NEK11: variants seen among roughly 807,000 people sequenced by gnomAD.
The protein encoded by NEK11 is NIMA related kinase 11.
NEK11 carries 72 observed loss-of-function variants against 80.7 expected under a neutral mutation model. The observed-to-expected ratio is 0.89, with a 90% CI of 0.74 to 1.08. NEK11 has a LOEUF of 1.08. Among genes scored for constraint, NEK11 ranks in the 50% least tolerant of loss-of-function variants. The pLI, the probability that NEK11 is intolerant of heterozygous loss-of-function variation, is 0.00. For missense variants in NEK11, 764 were observed against 763.6 expected (o/e 1.00, Z -0.01); for synonymous variants, 251 against 260.7 (o/e 0.96, Z 0.36).
intron 14 of NEK11, among the ~76,000 whole-genome samples, chr3:131,209,527 G>C (rs2150499372): frequency 6.6e-6 from 1 of 152,056 alleles, no homozygotes; most frequent in African/African-American, 2.4e-5. Context: ...TTTTTCTATT[G>C]ATCTATTGAT....
At chr3:131,193,257 T>C (rs952189918) in intron 14 of NEK11, among the ~76,000 whole-genome samples, 5 of 152,172 alleles carry the variant, frequency 3.3e-5, no homozygotes, top group African/African-American at 1.2e-4. Flanking sequence ...GCTTTGTATT[T>C]AGTCTATTGT....
intron 4 of NEK11, among the ~76,000 whole-genome samples, chr3:131,095,848 G>T (rs1163383301): frequency 6.6e-6 from 1 of 152,100 alleles, no homozygotes; most frequent in Non-Finnish European, 1.5e-5. Flanking sequence ...TTGATTTTGA[G>T]AAGTGGTTAA....
intron 4 of NEK11, among the ~76,000 whole-genome samples, chr3:131,098,627 G>T (rs1297890583): frequency 2.0e-5 from 3 of 150,062 alleles, no homozygotes; most frequent in African/African-American, 7.4e-5. Flanking sequence ...CCAGGCTGGA[G>T]TGTAGTGGCG....
At chr3:131,214,330 G>A (rs2094740550) in intron 14 of NEK11, among the ~76,000 whole-genome samples, 1 of 152,152 alleles carries the variant, frequency 6.6e-6, no homozygotes, top group Non-Finnish European at 1.5e-5. Flanking sequence ...CCTAAGGCCT[G>A]GGAGCTTAAA....
At chr3:131,337,662 A>G (rs1264950766) in intron 17 of NEK11, among the ~76,000 whole-genome samples, 1 of 151,862 alleles carries the variant, frequency 6.6e-6, no homozygotes, top group East Asian at 1.9e-4. Context: ...AATAAAAATA[A>G]AAATCAGCTT....
At chr3:131,203,735 G>C (rs2094334997) in intron 14 of NEK11, among the ~76,000 whole-genome samples, 1 of 116,260 alleles carries the variant, frequency 8.6e-6, no homozygotes, top group African/African-American at 3.3e-5. Flanking sequence ...TATTATATAT[G>C]TGTATATATA....
At chr3:131,130,388 A>T (rs1249718962) in intron 5 of NEK11, among the ~76,000 whole-genome samples, 1 of 151,902 alleles carries the variant, frequency 6.6e-6, no homozygotes, top group Admixed American at 6.6e-5. Flanking sequence ...GTAAACAGAG[A>T]GTTTGTTTTT....
rs143339751 is a variant in NEK11, at chr3:131,135,531, A to G, written c.647+1575A>G. Among the ~76,000 whole-genome samples, 26 of 152,318 alleles carry G rather than the reference A, an allele frequency of 1.7e-4. No homozygotes were observed. In the East Asian group the frequency reaches 4.4e-3, roughly 26 times the overall value. ...TGTAACATTCCTTAGGTATAAAGCAAAAGTGATAGGATTCCTACCTATCAA... is the reference window on the plus strand; with the variant it reads ...TGTAACATTCCTTAGGTATAAAGCAGAAGTGATAGGATTCCTACCTATCAA... On this transcript the variant is annotated intron_variant, in intron 7 of 17. Transcript: ENST00000383366.
At chr3:131,135,520 G>A (rs1232488244) in intron 7 of NEK11, among the ~76,000 whole-genome samples, 1 of 152,132 alleles carries the variant, frequency 6.6e-6, no homozygotes, top group African/African-American at 2.4e-5. Context: ...ACATTCCTTA[G>A]GTATAAAGCA....
chr3:131,263,022 C>T (rs531720859), intron 16 of NEK11, among the ~76,000 whole-genome samples: 55 of 152,136 alleles, frequency 3.6e-4, no homozygotes, highest in Non-Finnish European at 7.4e-4. Context: ...CATAGTATTC[C>T]ATGGCATATA....
At chr3:131,100,217 G>T (rs1387757611) in intron 4 of NEK11, among the ~76,000 whole-genome samples, 1 of 152,124 alleles carries the variant, frequency 6.6e-6, no homozygotes, top group Non-Finnish European at 1.5e-5. Flanking sequence ...ATGATCATAT[G>T]GTTTTCGCTT....
intron 14 of NEK11, among the ~76,000 whole-genome samples, chr3:131,215,058 C>T (rs895951814): frequency 3.3e-5 from 5 of 151,712 alleles, no homozygotes; most frequent in Non-Finnish European, 5.9e-5. Context: ...TGATGTGCAC[C>T]CCCATCCTAA....
chr3:131,259,525 G>C (rs565723581), intron 16 of NEK11, among the ~76,000 whole-genome samples: 11 of 152,282 alleles, frequency 7.2e-5, no homozygotes, highest in African/African-American at 2.6e-4. Flanking sequence ...ACAGAGTTGA[G>C]TAGGCAGGAC....
At chr3:131,303,782 A>T (rs2096690057) in intron 17 of NEK11, among the ~76,000 whole-genome samples, 1 of 151,834 alleles carries the variant, frequency 6.6e-6, no homozygotes. Flanking sequence ...TGCCTTTAGC[A>T]TTTTTTCTTT....
intron 6 of NEK11, chr3:131,133,358 A>G: frequency 2.3e-6 from 1 of 437,702 alleles, no homozygotes; most frequent in Non-Finnish European, 4.5e-6. Flanking sequence ...CTAGTTAGGC[A>G]AGTATTAAAA....
intron 15 of NEK11, among the ~76,000 whole-genome samples, chr3:131,232,304 T>C (rs2095345298): frequency 6.6e-6 from 1 of 152,204 alleles, no homozygotes; most frequent in Non-Finnish European, 1.5e-5. Flanking sequence ...TGGACATGGC[T>C]TAGGGCTACA....
chr3:131,337,380 C>T (rs1305947305), intron 17 of NEK11, among the ~76,000 whole-genome samples: 1 of 151,880 alleles, frequency 6.6e-6, no homozygotes, highest in African/African-American at 2.4e-5. Context: ...ACACCAAACA[C>T]CGCATGTTCT....
chr3:131,161,354 A>G (rs1484918581), intron 10 of NEK11, among the ~76,000 whole-genome samples: 1 of 152,182 alleles, frequency 6.6e-6, no homozygotes, highest in Non-Finnish European at 1.5e-5. Context: ...AGGAATATAA[A>G]TCATTCTATC....
At chr3:131,130,172 A>G (rs2084168820) in intron 5 of NEK11, among the ~76,000 whole-genome samples, 1 of 152,086 alleles carries the variant, frequency 6.6e-6, no homozygotes, top group Non-Finnish European at 1.5e-5. Flanking sequence ...TTTATACCTA[A>G]GTGTTTCATT....
Sources: gnomAD v4.1 joint callset for allele counts (sites outside exome capture counted in the v4.1 genomes callset) on GRCh38, gnomAD v4.1.1 for gene constraint, MANE v1.5 for transcripts, NCBI Gene and HGNC (gene_info 2026-07-23, HGNC 2026-07-21) for gene names.